Variants in HSD17B4 observed in about 807,000 individuals in gnomAD.
HSD17B4 encodes the protein hydroxysteroid 17-beta dehydrogenase 4.
A neutral mutation model predicts 101.0 loss-of-function variants in HSD17B4; 70 were observed. The ratio of observed to expected loss-of-function variants is 0.69; its 90% CI spans 0.57 to 0.85. The LOEUF is 0.85. HSD17B4 is among the 40% of genes least tolerant of loss of function. The pLI is 0.00. For missense variants in HSD17B4, 984 were observed against 892.4 expected (o/e 1.10, Z -1.31); for synonymous variants, 347 against 297.1 (o/e 1.17, Z -1.73).
intron 14 of HSD17B4, 107 bp downstream of exon 14, chr5:119,502,199 T>C: frequency 1.3e-6 from 1 of 769,846 alleles, no homozygotes; most frequent in Non-Finnish European, 2.3e-6. Context: ...TAATGAAACA[T>C]ATCACAAATT....
At chr5:119,498,321 T>TGTG (rs1750835199) in intron 12 of HSD17B4, among the ~76,000 whole-genome samples, 1 of 152,220 alleles carries the variant, frequency 6.6e-6, no homozygotes, top group Non-Finnish European at 1.5e-5. Context: ...TTTTAGGCTC[T>TGTG]GTGGGCTACA....
chr5:119,531,298 G>T lies in HSD17B4; in HGVS notation c.1887G>T (p.Glu629Asp), dbSNP rs763937684. ...GGKLQSTFVF[E>D]EIGRRLKDIG... ...AGCTTCAGAGTACCTTTGTATTTGA[G>T]GAAATAGGACGCCGCCTAAAGGATA... The change falls in exon 22 of 24, where the codon GAG becomes GAT. Residue 629 changes from glutamate (E) to aspartate (D), a missense_variant. Physicochemically the swap from Glu to Asp is conservative, Grantham distance 45 (BLOSUM62 2). Coordinates refer to ENST00000510025, the MANE Select transcript of HSD17B4 (RefSeq NM_000414.4). The T allele has an allele frequency of 1.2e-6, 2 of 1,613,540 alleles. No homozygotes were observed. The highest frequency in any genetic ancestry group is 1.7e-6 in the Non-Finnish European group (2 of 1,179,740).
chr5:119,524,350 A>G (rs1266237902), intron 17 of HSD17B4, among the ~76,000 whole-genome samples: 1 of 152,160 alleles, frequency 6.6e-6, no homozygotes, highest in Non-Finnish European at 1.5e-5. Flanking sequence ...TAAAAGTAAT[A>G]AAAGATCAGT....
chr5:119,467,088 A>G (rs1755887781), intron 2 of HSD17B4, among the ~76,000 whole-genome samples: 1 of 152,164 alleles, frequency 6.6e-6, no homozygotes, highest in South Asian at 2.1e-4. Flanking sequence ...ACTGTGTCCA[A>G]AGTTCTTGTT....
At chr5:119,526,070 T>G (rs777411693) in intron 19 of HSD17B4, 47 bp downstream of exon 19, 2 of 1,051,344 alleles carry the variant, frequency 1.9e-6, no homozygotes, top group Non-Finnish European at 3.0e-6. Context: ...CCTTTTTCTA[T>G]CTTTAGAGAA....
chr5:119,517,867 G>T (rs1225780356), intron 17 of HSD17B4, among the ~76,000 whole-genome samples: 2 of 152,296 alleles, frequency 1.3e-5, no homozygotes, highest in East Asian at 3.9e-4. Flanking sequence ...TGCACCAATT[G>T]ATACTCTGTA....
chr5:119,484,437 A>G (rs1749427049), intron 8 of HSD17B4, among the ~76,000 whole-genome samples: 1 of 152,132 alleles, frequency 6.6e-6, no homozygotes, highest in South Asian at 2.1e-4. Context: ...TCTTGGAATG[A>G]GATAGTGTGA....
At chr5:119,515,869 A>G (rs1752569978) in intron 17 of HSD17B4, among the ~76,000 whole-genome samples, 1 of 152,146 alleles carries the variant, frequency 6.6e-6, no homozygotes, top group South Asian at 2.1e-4. Context: ...TGGAGGGTAG[A>G]GGATAGGAGA....
At chr5:119,494,357 C>CTTTCTT in intron 11 of HSD17B4, among the ~76,000 whole-genome samples, 1 of 147,610 alleles carries the variant, frequency 6.8e-6, no homozygotes, top group South Asian at 2.2e-4. Context: ...TTCTTTCTTT[C>CTTTCTT]TTTCTTTCTT....
intron 2 of HSD17B4, among the ~76,000 whole-genome samples, chr5:119,464,095 T>C (rs1188787154): frequency 1.3e-5 from 2 of 152,202 alleles, no homozygotes; most frequent in African/African-American, 4.8e-5. Flanking sequence ...TATTAATCTC[T>C]TGTTGGATGA....
At position 119,529,983 on chromosome 5, in the gene HSD17B4, A is replaced by G. The variant is rs752625691; in HGVS notation, c.1854+3A>G. 7 of 1,573,956 alleles carry G rather than the reference A, an allele frequency of 4.4e-6. No homozygotes were observed. The South Asian group carries it at 7.7e-5, about 17-fold the overall frequency. ...CTTCAGCTAAGACACCCTCTGAGGT[A>G]GGTTATAAAAATTAGTATCCAAGCC... On this transcript the variant is annotated splice_donor_region_variant and intron_variant, in intron 21 of 23. Coordinates refer to ENST00000510025, the MANE Select transcript of HSD17B4 (RefSeq NM_000414.4).
intron 3 of HSD17B4, 133 bp downstream of exon 3, chr5:119,474,148 C>G (rs1206313864): frequency 1.3e-5 from 9 of 695,304 alleles, no homozygotes; most frequent in Non-Finnish European, 1.8e-5. Flanking sequence ...AGTTTTCTGA[C>G]TACATATTTT....
Position 119,492,042 on chromosome 5 carries a change from C to T in HSD17B4, c.715-58C>T, listed in dbSNP as rs1750155369. 2.2e-6 allele frequency: 3 copies of T among 1,395,046 alleles called. No homozygotes were observed. The South Asian group carries it at 3.5e-5, about 16-fold the overall frequency. 86.4% of individuals were successfully genotyped at this position (1,395,046 alleles called of 1,614,324 possible). On this transcript the variant is annotated intron_variant, in intron 9 of 23. Transcript: ENST00000510025. ...GGAGCTGACTTTTTTCTAATTAAAA[C>T]AATTGTATTAGTGATTTCACATTAG...
At chr5:119,482,214 C>T (rs1321753997) in intron 8 of HSD17B4, among the ~76,000 whole-genome samples, 8 of 151,858 alleles carry the variant, frequency 5.3e-5, no homozygotes, top group East Asian at 1.9e-4. Context: ...TTTGCGTTTC[C>T]GTGCAGGAAG....
intron 2 of HSD17B4, among the ~76,000 whole-genome samples, chr5:119,469,867 T>C (rs1756183456): frequency 6.6e-6 from 1 of 152,226 alleles, no homozygotes; most frequent in Non-Finnish European, 1.5e-5. Flanking sequence ...AGTGTCTGTA[T>C]GTGCCTCAGT....
chr5:119,454,776 C>T (rs959771887), intron 1 of HSD17B4, among the ~76,000 whole-genome samples: 1 of 151,984 alleles, frequency 6.6e-6, no homozygotes, highest in Non-Finnish European at 1.5e-5. Context: ...TGCACACCAC[C>T]AAGCCCAGCT....
chr5:119,480,086 CAT>C (rs1748979749), intron 8 of HSD17B4, among the ~76,000 whole-genome samples: 1 of 152,082 alleles, frequency 6.6e-6, no homozygotes, highest in African/African-American at 2.4e-5. Flanking sequence ...TACCTAGTGA[CAT>C]ATGTTATTGA....
At chr5:119,527,623 C>T (rs1293769058) in intron 20 of HSD17B4, among the ~76,000 whole-genome samples, 1 of 151,834 alleles carries the variant, frequency 6.6e-6, no homozygotes, top group Non-Finnish European at 1.5e-5. Flanking sequence ...CTATCTGACT[C>T]ATTAATGAAG....
At chr5:119,523,127 C>T (rs1753260666) in intron 17 of HSD17B4, among the ~76,000 whole-genome samples, 1 of 151,786 alleles carries the variant, frequency 6.6e-6, no homozygotes, top group Admixed American at 6.6e-5. Flanking sequence ...TATTTGTTCT[C>T]ATTATTTGTA....
Sources: gnomAD v4.1 joint callset for allele counts (sites outside exome capture counted in the v4.1 genomes callset) on GRCh38, gnomAD v4.1.1 for gene constraint, MANE v1.5 for transcripts, NCBI Gene and HGNC (gene_info 2026-07-23, HGNC 2026-07-21) for gene names.